RAB8B: variants seen among roughly 807,000 people sequenced by gnomAD.
The protein encoded by RAB8B is RAB8B, member RAS oncogene family.
Under a neutral mutation model 32.0 loss-of-function variants are expected in RAB8B, and 11 were observed. That is an observed-to-expected ratio of 0.34 (90% CI 0.22 to 0.57). RAB8B has a LOEUF of 0.57. Among genes scored for constraint, RAB8B ranks in the 20% least tolerant of loss-of-function variants. The pLI, the probability that RAB8B is intolerant of heterozygous loss-of-function variation, is 0.86. For synonymous variants in RAB8B, 103 were observed against 89.6 expected (o/e 1.15, Z -0.85); for missense variants, 190 against 258.5 (o/e 0.73, Z 1.82).
rs182634338 is a variant in RAB8B, at chr15:63,239,382, A to G, written c.125-5374A>G. On this transcript the variant is annotated intron_variant, in intron 1 of 7. Transcript: ENST00000321437. Reference sequence around the variant, plus strand: ...GATTTCTCAGCATCCTGACTATTGTAACTATAATATATTAAGAAATTTCCG... The same window carrying G: ...GATTTCTCAGCATCCTGACTATTGTGACTATAATATATTAAGAAATTTCCG... Among the ~76,000 whole-genome samples, 353 of 151,402 alleles carry G rather than the reference A, an allele frequency of 2.3e-3. 3 individuals carry two copies. Among genetic ancestry groups the G allele is most frequent in the African/African-American group, 8.3e-3 (341 of 41,258 alleles).
intron 1 of RAB8B, among the ~76,000 whole-genome samples, chr15:63,200,349 GT>G (rs769681363): frequency 1.3e-5 from 2 of 152,198 alleles, no homozygotes; most frequent in Admixed American, 6.5e-5. Context: ...ATTGCTTAAT[GT>G]TTTTGAATCC....
At chr15:63,194,348 C>G (rs2037583678) in intron 1 of RAB8B, among the ~76,000 whole-genome samples, 1 of 152,176 alleles carries the variant, frequency 6.6e-6, no homozygotes, top group Non-Finnish European at 1.5e-5. Context: ...CCCATTAATT[C>G]AAGTCATCAC....
chr15:63,250,868 C>A (rs1247909136), intron 3 of RAB8B, among the ~76,000 whole-genome samples: 1 of 151,346 alleles, frequency 6.6e-6, no homozygotes, highest in Non-Finnish European at 1.5e-5. Flanking sequence ...ATTCCCAACT[C>A]ATTGCTTAAA....
intron 1 of RAB8B, among the ~76,000 whole-genome samples, chr15:63,230,180 A>C (rs146380671): frequency 1.9e-3 from 297 of 152,312 alleles, no homozygotes; most frequent in African/African-American, 6.8e-3. Flanking sequence ...AGTGCTGCTT[A>C]ATTTTCATAC....
At chr15:63,262,134 C>G (rs1275157386) in intron 6 of RAB8B, among the ~76,000 whole-genome samples, 4 of 152,112 alleles carry the variant, frequency 2.6e-5, no homozygotes, top group African/African-American at 9.7e-5. Flanking sequence ...TAGGGTAATA[C>G]ATAATTATTT....
intron 1 of RAB8B, among the ~76,000 whole-genome samples, chr15:63,232,665 G>A (rs1449386795): frequency 6.6e-5 from 10 of 152,196 alleles, no homozygotes; most frequent in Admixed American, 2.6e-4. Context: ...AAACACGTCA[G>A]AAAATTCTAG....
At position 63,211,433 on chromosome 15, in the gene RAB8B, A is replaced by G. The variant is rs560545776; in HGVS notation, c.124+21685A>G. On this transcript the variant is annotated intron_variant, in intron 1 of 7. Transcript: ENST00000321437. ...ACTATATGTGTTCACCATCTCTCTC[A>G]TTGAGATTCTGGTTTAACCCTATTA... Among the ~76,000 whole-genome samples, 10 of 152,308 alleles carry G rather than the reference A, an allele frequency of 6.6e-5. No individual in the cohort carries two copies. The South Asian group carries it at 1.9e-3, about 28-fold the overall frequency.
chr15:63,245,961 C>T (rs2038068187), intron 2 of RAB8B, among the ~76,000 whole-genome samples: 1 of 152,182 alleles, frequency 6.6e-6, no homozygotes, highest in African/African-American at 2.4e-5. Context: ...CAACCTCCAC[C>T]TCCCGGGTTC....
intron 6 of RAB8B, among the ~76,000 whole-genome samples, chr15:63,261,995 C>G (rs2038206977): frequency 6.6e-6 from 1 of 152,092 alleles, no homozygotes; most frequent in Non-Finnish European, 1.5e-5. Context: ...GCCGAGAGCT[C>G]CAGGAACTGT....
At chr15:63,192,559 A>G (rs2037565508) in intron 1 of RAB8B, among the ~76,000 whole-genome samples, 1 of 152,126 alleles carries the variant, frequency 6.6e-6, no homozygotes, top group African/African-American at 2.4e-5. Context: ...GTATTTCTCA[A>G]CGCCTGGGGT....
intron 3 of RAB8B, among the ~76,000 whole-genome samples, chr15:63,252,703 A>G (rs1034491140): frequency 6.6e-6 from 1 of 151,054 alleles, no homozygotes; most frequent in Non-Finnish European, 1.5e-5. Context: ...ATAATAGAAC[A>G]TTTATCATTT....
At chr15:63,217,460 C>G (rs1020925387) in intron 1 of RAB8B, among the ~76,000 whole-genome samples, 2 of 152,174 alleles carry the variant, frequency 1.3e-5, no homozygotes, top group Non-Finnish European at 2.9e-5. Context: ...AAAGCCTTAA[C>G]CAAGACGATT....
intron 5 of RAB8B, among the ~76,000 whole-genome samples, chr15:63,257,111 C>T (rs781061548): frequency 6.6e-6 from 1 of 152,070 alleles, no homozygotes; most frequent in Non-Finnish European, 1.5e-5. Context: ...GGGCATTTCT[C>T]TCTTTTGTGT....
intron 1 of RAB8B, among the ~76,000 whole-genome samples, chr15:63,224,223 G>A (rs921774703): frequency 6.6e-6 from 1 of 151,990 alleles, no homozygotes; most frequent in African/African-American, 2.4e-5. Context: ...ACTCAGAATT[G>A]GAAGATGCAA....
intron 1 of RAB8B, among the ~76,000 whole-genome samples, chr15:63,237,549 T>G (rs1351388163): frequency 1.3e-5 from 2 of 152,216 alleles, no homozygotes; most frequent in Non-Finnish European, 2.9e-5. Context: ...AAATGTCTGC[T>G]TAGGTCTTCT....
At chr15:63,236,785 T>C (rs567958359) in intron 1 of RAB8B, among the ~76,000 whole-genome samples, 125 of 152,316 alleles carry the variant, frequency 8.2e-4, no homozygotes, top group Non-Finnish European at 1.4e-3. Context: ...TTGTAGTTAT[T>C]TTAAAATGTA....
intron 1 of RAB8B, among the ~76,000 whole-genome samples, chr15:63,233,456 T>C (rs2037952702): frequency 6.6e-6 from 1 of 152,242 alleles, no homozygotes; most frequent in East Asian, 1.9e-4. Flanking sequence ...CTTCAGTTTA[T>C]GACTCATTTT....
In RAB8B at chr15:63,200,299, G is replaced by C. The variant is rs2037636774; in HGVS notation, c.124+10551G>C. ...TAGTTAATTCAAACAAGCCTGTATTGATCTTGTAAATTGGCTAAAATCTTT... is the reference window on the plus strand; with the variant it reads ...TAGTTAATTCAAACAAGCCTGTATTCATCTTGTAAATTGGCTAAAATCTTT... On this transcript the variant is annotated intron_variant, in intron 1 of 7. Transcript: ENST00000321437. 4.6e-5 allele frequency among the ~76,000 whole-genome samples: 7 copies of C among 152,300 alleles called. No individual in the cohort carries two copies. The South Asian group carries it at 1.4e-3, about 32-fold the overall frequency.
chr15:63,237,122 C>T (rs2037987622), intron 1 of RAB8B, among the ~76,000 whole-genome samples: 1 of 152,168 alleles, frequency 6.6e-6, no homozygotes, highest in South Asian at 2.1e-4. Flanking sequence ...TGTATATGTA[C>T]CACATTTTCT....
Sources: allele counts gnomAD v4.1 joint callset (sites outside exome capture counted in the v4.1 genomes callset), GRCh38; gene constraint gnomAD v4.1.1; transcripts MANE v1.5; gene names NCBI Gene and HGNC (gene_info 2026-07-23, HGNC 2026-07-21).